The following CSMD3 variants were observed in gnomAD, a reference collection of about 807,000 sequenced individuals.
CSMD3 encodes the protein CUB and sushi domain-containing protein 3.
CSMD3 carries 177 observed loss-of-function variants against 435.2 expected under a neutral mutation model. The ratio of observed to expected loss-of-function variants is 0.41; its 90% CI spans 0.36 to 0.46. CSMD3 has a LOEUF of 0.46. Among genes scored for constraint, CSMD3 ranks in the 20% least tolerant of loss-of-function variants. CSMD3 has a pLI of 0.34. For missense variants in CSMD3, 4,265 were observed against 4,504.6 expected, an observed-to-expected ratio of 0.95 and a Z score of 1.52; for synonymous variants, 1,656 against 1,520.5, an observed-to-expected ratio of 1.09 and a Z score of -2.07.
At chr8:113,349,052 G>A (rs1285827681) in intron 1 of CSMD3, among the ~76,000 whole-genome samples, 2 of 151,840 alleles carry the variant, frequency 1.3e-5, no homozygotes, top group Admixed American at 6.6e-5. Context: ...TTACTATTTG[G>A]TTTTATTCAT....
intron 26 of CSMD3, among the ~76,000 whole-genome samples, 189 bp downstream of exon 26, chr8:112,552,405 G>A (rs1169112207): frequency 6.6e-6 from 1 of 152,002 alleles, no homozygotes; most frequent in East Asian, 1.9e-4. Context: ...AAGATCATTT[G>A]AGCCTATGAG....
At chr8:113,225,629 A>G (rs2093018106) in intron 3 of CSMD3, among the ~76,000 whole-genome samples, 1 of 151,546 alleles carries the variant, frequency 6.6e-6, no homozygotes. Flanking sequence ...TTGACAAGAT[A>G]TTGTTAATTA....
chr8:113,220,305 G>C (rs1007193796), intron 3 of CSMD3, among the ~76,000 whole-genome samples: 1 of 151,244 alleles, frequency 6.6e-6, no homozygotes, highest in African/African-American at 2.4e-5. Context: ...TTGGAGAAAT[G>C]GCTGATTCTA....
At chr8:112,700,848 A>G (rs1173614306) in intron 13 of CSMD3, among the ~76,000 whole-genome samples, 1 of 152,150 alleles carries the variant, frequency 6.6e-6, no homozygotes, top group East Asian at 1.9e-4. Context: ...GAGAGATGAA[A>G]TTTTACCATC....
At chr8:112,453,702 A>G (rs1329205168) in intron 32 of CSMD3, among the ~76,000 whole-genome samples, 1 of 152,138 alleles carries the variant, frequency 6.6e-6, no homozygotes, top group African/African-American at 2.4e-5. Context: ...GCAATCTACA[A>G]ATTGAACACT....
intron 10 of CSMD3, among the ~76,000 whole-genome samples, chr8:112,861,502 T>C (rs1486590527): frequency 6.6e-6 from 1 of 151,944 alleles, no homozygotes; most frequent in African/African-American, 2.4e-5. Flanking sequence ...ATATTTTTCA[T>C]GCTGTTTTCT....
intron 1 of CSMD3, among the ~76,000 whole-genome samples, chr8:113,358,388 T>C (rs2094247715): frequency 6.6e-6 from 1 of 152,226 alleles, no homozygotes; most frequent in African/African-American, 2.4e-5. Flanking sequence ...AGTCTTGCTC[T>C]GTTGCTCAGG....
chr8:113,246,356 C>G (rs921247306), intron 3 of CSMD3, among the ~76,000 whole-genome samples: 2 of 151,984 alleles, frequency 1.3e-5, no homozygotes, highest in East Asian at 3.9e-4. Context: ...TTCTGTTAAT[C>G]TCATCTAGCA....
At chr8:112,969,178 T>C (rs1199023631) in intron 7 of CSMD3, among the ~76,000 whole-genome samples, 1 of 151,986 alleles carries the variant, frequency 6.6e-6, no homozygotes, top group Non-Finnish European at 1.5e-5. Context: ...AATGTGAATA[T>C]TAAATCTGTA....
intron 65 of CSMD3, among the ~76,000 whole-genome samples, chr8:112,243,224 G>A (rs1814340368): frequency 1.5e-5 from 2 of 135,842 alleles, no homozygotes; most frequent in East Asian, 2.2e-4. Flanking sequence ...ATACTACAGC[G>A]ATTTCAATCA....
At chr8:113,427,002 C>G (rs1213103531) in intron 1 of CSMD3, among the ~76,000 whole-genome samples, 2 of 151,046 alleles carry the variant, frequency 1.3e-5, no homozygotes, top group Non-Finnish European at 3.0e-5. Flanking sequence ...TATCCTATGA[C>G]TAATACAAAT....
chr8:112,614,979 T>C (rs1833549325), intron 22 of CSMD3, among the ~76,000 whole-genome samples: 1 of 147,246 alleles, frequency 6.8e-6, no homozygotes, highest in Non-Finnish European at 1.5e-5. Flanking sequence ...ATCCATTAGA[T>C]ATTGAGACAA....
intron 5 of CSMD3, among the ~76,000 whole-genome samples, chr8:113,026,967 G>A (rs552919922): frequency 2.0e-4 from 30 of 152,044 alleles, no homozygotes; most frequent in African/African-American, 5.8e-4. Context: ...GGTATATATC[G>A]AATCCATAAG....
chr8:112,915,090 T>A (rs542795011), intron 10 of CSMD3, among the ~76,000 whole-genome samples: 1 of 152,074 alleles, frequency 6.6e-6, no homozygotes, highest in East Asian at 1.9e-4. Flanking sequence ...ATAAGTTTAC[T>A]ATGAACACAA....
At chr8:112,965,911 C>T (rs903326322) in intron 7 of CSMD3, among the ~76,000 whole-genome samples, 2 of 151,708 alleles carry the variant, frequency 1.3e-5, no homozygotes, top group African/African-American at 4.8e-5. Flanking sequence ...GGATGCTATT[C>T]AATAAATATG....
At chr8:112,978,763 A>G (rs2084942933) in intron 6 of CSMD3, among the ~76,000 whole-genome samples, 1 of 151,908 alleles carries the variant, frequency 6.6e-6, no homozygotes. Flanking sequence ...TATTCTTTCC[A>G]CACCATACTG....
chr8:112,441,393 A>G (rs1814998699), intron 32 of CSMD3, among the ~76,000 whole-genome samples: 1 of 152,106 alleles, frequency 6.6e-6, no homozygotes. Flanking sequence ...GAGCCTTCCC[A>G]GTTTCTAAGA....
intron 1 of CSMD3, among the ~76,000 whole-genome samples, chr8:113,397,956 T>C (rs2133188216): frequency 6.6e-6 from 1 of 152,208 alleles, no homozygotes; most frequent in African/African-American, 2.4e-5. Flanking sequence ...AGCTAGTTAA[T>C]TGTGCCTCCA....
chr8:112,594,364 C>T (rs1034646895), intron 22 of CSMD3, among the ~76,000 whole-genome samples: 7 of 152,108 alleles, frequency 4.6e-5, no homozygotes, highest in Non-Finnish European at 1.0e-4. Context: ...CTCGGAGGGT[C>T]CTACGCCCAC....
Sources: allele counts gnomAD v4.1 joint callset (sites outside exome capture counted in the v4.1 genomes callset), GRCh38; gene constraint gnomAD v4.1.1; transcripts MANE v1.5; gene names NCBI Gene and HGNC (gene_info 2026-07-23, HGNC 2026-07-21).